DNAH17: variants seen among roughly 807,000 people sequenced by gnomAD.
DNAH17 encodes dynein axonemal heavy chain 17.
Under a neutral mutation model 485.6 loss-of-function variants are expected in DNAH17, and 376 were observed. The observed-to-expected ratio is 0.77, with a 90% CI of 0.71 to 0.84. DNAH17 has a LOEUF of 0.84. Ranked by LOEUF, DNAH17 falls within the 40% of genes least tolerant of loss-of-function variation. DNAH17 has a pLI of 0.00. For synonymous variants in DNAH17, 3,031 were observed against 2,405.9 expected, an observed-to-expected ratio of 1.26 and a Z score of -7.60; for missense variants, 6,370 against 5,839.3, an observed-to-expected ratio of 1.09 and a Z score of -2.96.
intron 56 of DNAH17, among the ~76,000 whole-genome samples, chr17:78,464,174 C>T (rs1296147907): frequency 6.6e-6 from 1 of 151,980 alleles, no homozygotes; most frequent in African/African-American, 2.4e-5. Flanking sequence ...ATCCCCCCTA[C>T]TGAGTTGGTC....
At chr17:78,437,291 C>T (rs2086880068) in intron 74 of DNAH17, among the ~76,000 whole-genome samples, 1 of 152,180 alleles carries the variant, frequency 6.6e-6, no homozygotes, top group Non-Finnish European at 1.5e-5. Context: ...CCCCACGGAG[C>T]TTGGCCCCAT....
At chr17:78,522,285 C>A in intron 25 of DNAH17, 1 of 239,936 alleles carries the variant, frequency 4.2e-6, no homozygotes. Context: ...ACCACAGTAC[C>A]TCCACTGAGA....
intron 76 of DNAH17, 86 bp from the exon 77 acceptor site, chr17:78,428,793 C>T (rs2086571366): frequency 1.6e-5 from 23 of 1,476,866 alleles, no homozygotes; most frequent in Middle Eastern, 1.8e-4. Flanking sequence ...CTTGCCAGAA[C>T]GTTCACCCAC....
intron 71 of DNAH17, 50 bp downstream of exon 71, chr17:78,444,554 A>G: frequency 6.7e-7 from 1 of 1,495,420 alleles, no homozygotes; most frequent in South Asian, 1.3e-5. Flanking sequence ...TCAAGCTTCC[A>G]TCAGGCCTGG....
chr17:78,571,268 C>T lies in DNAH17; in HGVS notation c.832+11G>A. 2 of 1,608,946 alleles carry T rather than the reference C, an allele frequency of 1.2e-6. No homozygotes were observed. The highest frequency in any genetic ancestry group is 8.5e-7 in the Non-Finnish European group (1 of 1,176,830). On this transcript the variant is annotated intron_variant, in intron 5 of 80. Transcript: ENST00000389840. ...CTTCGTGCAGAACTCATGACAGGGTCACAGGCTCACCTTCAGTGACGTTGG... is the reference window on the plus strand; with the variant it reads ...CTTCGTGCAGAACTCATGACAGGGTTACAGGCTCACCTTCAGTGACGTTGG...
Position 78,561,719 on chromosome 17 carries a change from G to T in DNAH17, c.1831C>A (p.His611Asn). The T allele has an allele frequency of 6.2e-7, 1 of 1,605,338 alleles. No individual in the cohort carries two copies. Among genetic ancestry groups the T allele is most frequent in the Non-Finnish European group, 8.5e-7 (1 of 1,174,806 alleles). Residue 611 changes from histidine (H) to asparagine (N), a missense_variant, in exon 12 of 81, where the codon CAC becomes AAC. Physicochemically the swap from His to Asn is moderately conservative, Grantham distance 68. Transcript: ENST00000389840. ...VSMKHLKHVE[H>N]PVMSGAEAKL... ...CTGCCCAGGGCTGTGACTCACGGGT[G>T]TTCGACGTGCTTCAGGTGTTTCATG...
intron 25 of DNAH17, among the ~76,000 whole-genome samples, chr17:78,519,028 C>T (rs1045278003): frequency 6.6e-6 from 1 of 151,872 alleles, no homozygotes; most frequent in Non-Finnish European, 1.5e-5. Context: ...ATTAGCCGGG[C>T]GTGGTGGCGG....
chr17:78,560,869 C>G lies in DNAH17; in HGVS notation c.1902G>C (p.Arg634Ser), dbSNP rs1406215312. Residue 634 changes from arginine (R) to serine (S), a missense_variant, in exon 13 of 81, where the codon AGG becomes AGC. Coordinates refer to ENST00000389840, the MANE Select transcript of DNAH17 (RefSeq NM_173628.4). ...GCTGGTAGATCTTCTCGCGGTGGCA[C>G]CTCAGCAGCTCCATCATCTCGTCAT... ...QKYDEMMELLRCHREKIYQQW... is the reference protein window; with the variant it reads ...QKYDEMMELLSCHREKIYQQW... The G allele has an allele frequency of 6.4e-7, 1 of 1,551,758 alleles. No homozygotes were observed. Among genetic ancestry groups the G allele is most frequent in the African/African-American group, 1.4e-5 (1 of 73,170 alleles).
At chr17:78,502,560 AAACGT>A (rs2090335860) in intron 33 of DNAH17, 26 bp downstream of exon 33, 1 of 1,588,160 alleles carries the variant, frequency 6.3e-7, no homozygotes, top group Non-Finnish European at 8.6e-7. Flanking sequence ...CAAGTTTTAA[AAACGT>A]AACTAACTAC....
Position 78,574,883 on chromosome 17 carries a change from C to A in DNAH17, c.175G>T (p.Ala59Ser), listed in dbSNP as rs567937042. 8 of 1,614,014 alleles carry A rather than the reference C, an allele frequency of 5.0e-6. No homozygotes were observed. The South Asian group carries it at 7.7e-5, about 16-fold the overall frequency. ...CCCAGGCAGGGTATGATCATGCCGG[C>A]TGCATTGAGCGTCAGCACCAGCACC... is the stretch of plus-strand genomic sequence containing the variant. ...VQVLVLTLNA[A>S]GMIIPCLGFP... The change falls in exon 2 of 81, where the codon GCC (alanine) becomes TCC (serine). Residue 59 changes from alanine (A) to serine (S), a missense_variant. Transcript: ENST00000389840.
In DNAH17 at chr17:78,574,762, C is replaced by A; in HGVS notation, c.296G>T (p.Gly99Val). The A allele has an allele frequency of 6.2e-7, 1 of 1,613,746 alleles. No homozygotes were observed. The highest frequency in any genetic ancestry group is 8.5e-7 in the Non-Finnish European group (1 of 1,179,736). The change falls in exon 2 of 81, where the codon GGC becomes GTC. Residue 99 changes from glycine (G) to valine (V), a missense_variant. Gly to Val is a moderately radical substitution (Grantham distance 109, BLOSUM62 -3). Coordinates refer to ENST00000389840, the MANE Select transcript of DNAH17 (RefSeq NM_173628.4). ...GTCCACGGGTGTGGGGCTGATGTCG[C>A]CGTAAAGGAGCCGGGCCCTGTAGTT... is the stretch of plus-strand genomic sequence containing the variant. ...KDNYRARLLY[G>V]DISPTPVDQL... is the part of the protein sequence containing the mutation.
rs114790661 is a variant in DNAH17 at position 78,476,780 on chromosome 17, G to A, written c.7993-47C>T. 361 of 1,584,270 alleles carry A rather than the reference G, an allele frequency of 2.3e-4. 4 individuals are homozygous for A. In the African/African-American group the frequency reaches 4.2e-3, roughly 18 times the overall value. On this transcript the variant is annotated intron_variant, in intron 51 of 80. Transcript: ENST00000389840. ...CAGCACCGTCAGCTGTTACGAAGGC[G>A]AGCCCAGAGCTGGACACAGATGACC... is the stretch of plus-strand genomic sequence containing the variant.
At chr17:78,524,716 A>C (rs919416285) in intron 25 of DNAH17, among the ~76,000 whole-genome samples, 1 of 150,568 alleles carries the variant, frequency 6.6e-6, no homozygotes, top group Non-Finnish European at 1.5e-5. Context: ...AAAAAAGGTG[A>C]GATGTGAGAG....
chr17:78,424,030 T>G lies in DNAH17; in HGVS notation c.13265A>C (p.Tyr4422Ser). The change falls in exon 81 of 81, where the codon TAT (tyrosine) becomes TCT (serine). Residue 4422 changes from tyrosine (Y) to serine (S), a missense_variant. Physicochemically the swap from Tyr to Ser is moderately radical, Grantham distance 144 (BLOSUM62 -2). Coordinates refer to ENST00000389840, the MANE Select transcript of DNAH17 (RefSeq NM_173628.4). ...GCGTGTTTTGTACACGGGACACTCA[T>G]AGATGTTCTTGGTCTCCATGCGGTC... ...PVDRMETKNI[Y>S]ECPVYKTRIR... The G allele has an allele frequency of 6.2e-7, 1 of 1,614,028 alleles. No homozygotes were observed. The highest frequency in any genetic ancestry group is 8.5e-7 in the Non-Finnish European group (1 of 1,179,898).
chr17:78,546,530 G>A (rs1055539324), intron 16 of DNAH17, among the ~76,000 whole-genome samples: 2 of 152,066 alleles, frequency 1.3e-5, no homozygotes, highest in South Asian at 2.1e-4. Context: ...TACTGATTTG[G>A]ATAGGAGAAA....
intron 56 of DNAH17, among the ~76,000 whole-genome samples, chr17:78,466,108 A>G (rs1040766502): frequency 4.6e-5 from 7 of 152,146 alleles, no homozygotes; most frequent in Admixed American, 4.6e-4. Context: ...CTGCCTTGGG[A>G]TCCTGTTGAT....
At chr17:78,533,070 C>T (rs532228152) in intron 19 of DNAH17, 9 of 222,670 alleles carry the variant, frequency 4.0e-5, no homozygotes, top group East Asian at 2.2e-4. Flanking sequence ...GCTCTCACCA[C>T]GGGAAATAGG....
In DNAH17 at chr17:78,459,694, GC is replaced by G. The variant is rs1448068522; in HGVS notation, c.9653+89del. On this transcript the variant is annotated intron_variant, in intron 60 of 80. Transcript: ENST00000389840. ...AGATTTTGAGCCACAGGCCCCAAGA[GC>G]CTGAGGCCATGCTTCACCTCAGCAT... 1.3e-5 allele frequency: 19 copies of G among 1,434,826 alleles called. No homozygotes were observed. In the Admixed American group the frequency reaches 3.4e-4, roughly 26 times the overall value. 88.9% of individuals were successfully genotyped at this position (1,434,826 alleles called of 1,614,324 possible).
chr17:78,500,309 T>C lies in DNAH17; in HGVS notation c.5636A>G (p.Tyr1879Cys). Residue 1879 changes from tyrosine to cysteine, a missense_variant, in exon 36 of 81, where the codon TAC becomes TGC. Physicochemically the swap from Tyr to Cys is radical, Grantham distance 194. Coordinates refer to ENST00000389840, the MANE Select transcript of DNAH17 (RefSeq NM_173628.4). ...CTCCGGACCCCGGCCGCGTACCTTG[T>C]AGTCCATCTGCTCGGAGCAGTTGAA... ...YVFNCSEQMD[Y>C]KSCGNIYKGL... is the part of the protein sequence containing the mutation. 1 of 1,611,284 alleles carries C rather than the reference T, an allele frequency of 6.2e-7. No individual in the cohort carries two copies. The highest frequency in any genetic ancestry group is 8.5e-7 in the Non-Finnish European group (1 of 1,178,866).
Sources: allele counts gnomAD v4.1 joint callset (sites outside exome capture counted in the v4.1 genomes callset), GRCh38; gene constraint gnomAD v4.1.1; transcripts MANE v1.5; gene names NCBI Gene and HGNC (gene_info 2026-07-23, HGNC 2026-07-21).